The following GYPC variants were observed in gnomAD, a reference collection of about 807,000 sequenced individuals.
The protein encoded by GYPC is glycophorin C (Gerbich blood group), also known as glycophorin-C.
In GYPC, 14 loss-of-function variants were observed where a neutral mutation model predicts 12.6. The ratio of observed to expected loss-of-function variants is 1.11; its 90% confidence interval spans 0.74 to 1.74. GYPC has a LOEUF of 1.74. Among genes scored for constraint, GYPC ranks in the 40% most tolerant of loss-of-function variants. GYPC has a pLI of 0.00. For missense variants in GYPC, 225 were observed against 172.1 expected, an observed-to-expected ratio of 1.31 and a Z score of -1.72; for synonymous variants, 78 against 62.1, an observed-to-expected ratio of 1.26 and a Z score of -1.20.
chr2:126,658,285 G>A (rs1327626404), intron 1 of GYPC: 1 of 152,294 alleles, frequency 6.6e-6, no homozygotes, highest in African/African-American at 2.4e-5. Context: ...GTGGTCAGCA[G>A]CTGGACCCTT....
chr2:126,658,347 TG>T (rs1241766062), intron 1 of GYPC: 1 of 152,228 alleles, frequency 6.6e-6, no homozygotes, highest in African/African-American at 2.4e-5. Context: ...CAGAGCTCCC[TG>T]GGGAGCAAAG....
intron 1 of GYPC, chr2:126,685,924 T>C (rs1683276933): frequency 1.0e-6 from 1 of 985,108 alleles, no homozygotes; most frequent in Non-Finnish European, 1.2e-6. Flanking sequence ...GGTGTTCTAG[T>C]CTGAAGCCAT....
At chr2:126,675,995 G>C (rs1350760224) in intron 1 of GYPC, among the ~76,000 whole-genome samples, 1 of 152,152 alleles carries the variant, frequency 6.6e-6, no homozygotes, top group Non-Finnish European at 1.5e-5. Flanking sequence ...ATCTATACTT[G>C]AAAATGATAC....
chr2:126,668,531 C>T (rs546085133), intron 1 of GYPC, among the ~76,000 whole-genome samples: 2 of 152,362 alleles, frequency 1.3e-5, no homozygotes, highest in South Asian at 2.1e-4. Context: ...TATTTGCCTA[C>T]AGCCAACTAC....
At chr2:126,674,863 T>TA (rs1457876096) in intron 1 of GYPC, among the ~76,000 whole-genome samples, 4 of 152,232 alleles carry the variant, frequency 2.6e-5, no homozygotes, top group African/African-American at 9.6e-5. Flanking sequence ...CCTCAGCTTC[T>TA]GTTACTGTTA....
At chr2:126,686,853 C>G (rs550159783) in intron 1 of GYPC, among the ~76,000 whole-genome samples, 9 of 152,054 alleles carry the variant, frequency 5.9e-5, no homozygotes, top group Non-Finnish European at 1.0e-4. Context: ...CAAGGCTGCC[C>G]GCAGATCACC....
intron 2 of GYPC, among the ~76,000 whole-genome samples, chr2:126,691,422 T>C (rs1279750167): frequency 4.6e-5 from 7 of 152,142 alleles, no homozygotes; most frequent in African/African-American, 1.7e-4. Flanking sequence ...TGGCATTCTC[T>C]GCGTTACCCT....
intron 1 of GYPC, chr2:126,686,705 A>G (rs1683301317): frequency 1.1e-5 from 11 of 985,112 alleles, no homozygotes; most frequent in Non-Finnish European, 1.2e-5. Context: ...GGGAAGAAAA[A>G]AAGTAGGATG....
intron 1 of GYPC, among the ~76,000 whole-genome samples, chr2:126,682,525 C>T (rs1023695919): frequency 6.6e-6 from 1 of 152,134 alleles, no homozygotes; most frequent in Non-Finnish European, 1.5e-5. Flanking sequence ...GCCTGGTTGC[C>T]GCTCACTCTC....
At chr2:126,690,974 A>G (rs1683446361) in intron 2 of GYPC, among the ~76,000 whole-genome samples, 1 of 152,064 alleles carries the variant, frequency 6.6e-6, no homozygotes, top group Admixed American at 6.6e-5. Flanking sequence ...CAGCAGAAGC[A>G]AGCAATCAAA....
At chr2:126,689,956 A>G (rs1683405648) in intron 1 of GYPC, among the ~76,000 whole-genome samples, 1 of 152,212 alleles carries the variant, frequency 6.6e-6, no homozygotes, top group South Asian at 2.1e-4. Context: ...TCTGTTGAGC[A>G]TCTACCACAT....
Position 126,692,741 on chromosome 2 carries a change from G to C in GYPC, c.107-1123G>C, listed in dbSNP as rs569241460. Among the ~76,000 whole-genome samples, 3 of 152,308 alleles carry C rather than the reference G, an allele frequency of 2.0e-5. No individual in the cohort carries two copies. The East Asian group carries it at 5.8e-4, about 29-fold the overall frequency. On this transcript the variant is annotated intron_variant, in intron 2 of 3. Coordinates refer to ENST00000259254, the MANE Select transcript of GYPC (RefSeq NM_002101.5). ...ACTCAGTAACTTGGATAGTGTCATA[G>C]AGTGGTCCTTCCCACAGCAGAGTCA...
intron 2 of GYPC, among the ~76,000 whole-genome samples, chr2:126,690,931 G>T (rs1683445100): frequency 6.6e-6 from 1 of 151,866 alleles, no homozygotes; most frequent in Admixed American, 6.6e-5. Context: ...TAATAACTCA[G>T]GAAACATCTA....
chr2:126,689,626 G>C (rs1683397105), intron 1 of GYPC, among the ~76,000 whole-genome samples: 1 of 151,530 alleles, frequency 6.6e-6, no homozygotes, highest in Non-Finnish European at 1.5e-5. Flanking sequence ...AGAGCAGGTT[G>C]TTATAAAAGC....
At chr2:126,688,005 G>A (rs919985671) in intron 1 of GYPC, among the ~76,000 whole-genome samples, 2 of 152,188 alleles carry the variant, frequency 1.3e-5, no homozygotes, top group African/African-American at 4.8e-5. Flanking sequence ...GACTCTCAAG[G>A]TACAAGCCGG....
At chr2:126,656,483 C>T (rs531697863) in intron 1 of GYPC, among the ~76,000 whole-genome samples, 171 bp downstream of exon 1, 1 of 152,320 alleles carries the variant, frequency 6.6e-6, no homozygotes, top group East Asian at 1.9e-4. Context: ...CCCGGTTCCC[C>T]GGCGCCTGGG....
At chr2:126,673,672 C>A (rs373010865) in intron 1 of GYPC, among the ~76,000 whole-genome samples, 1 of 152,300 alleles carries the variant, frequency 6.6e-6, no homozygotes, top group South Asian at 2.1e-4. Flanking sequence ...GCAGGCAGAC[C>A]GTGCCAACTC....
At chr2:126,662,255 C>T (rs1490667047) in intron 1 of GYPC, among the ~76,000 whole-genome samples, 1 of 152,190 alleles carries the variant, frequency 6.6e-6, no homozygotes, top group Non-Finnish European at 1.5e-5. Context: ...CCCAGCCAAG[C>T]CCTTCTCCTG....
At chr2:126,659,632 T>C (rs551488397) in intron 1 of GYPC, among the ~76,000 whole-genome samples, 4 of 152,280 alleles carry the variant, frequency 2.6e-5, no homozygotes, top group Non-Finnish European at 5.9e-5. Context: ...ATGCTGGTAA[T>C]TTCAGGAGTC....
Sources: allele counts gnomAD v4.1 joint callset (sites outside exome capture counted in the v4.1 genomes callset), GRCh38; gene constraint gnomAD v4.1.1; transcripts MANE v1.5; gene names NCBI Gene and HGNC (gene_info 2026-07-23, HGNC 2026-07-21).